The following ART3 variants were observed in gnomAD, a reference collection of about 807,000 sequenced individuals.
ART3 encodes ADP-ribosyltransferase 3 (inactive).
In ART3, 49 loss-of-function variants were observed where a neutral mutation model predicts 48.5. That is an observed-to-expected ratio of 1.01 (90% CI 0.80 to 1.28). The LOEUF (loss-of-function observed/expected upper bound fraction) is 1.28, where lower values mean the gene tolerates loss of function less well. ART3 is among the 50% of genes most tolerant of loss of function. ART3 has a pLI of 0.00. For synonymous variants in ART3, 145 were observed against 157.2 expected (o/e 0.92, Z 0.58); for missense variants, 438 against 454.3 (o/e 0.96, Z 0.33).
At chr4:76,094,396 C>T (rs552428465) in intron 3 of ART3, among the ~76,000 whole-genome samples, 78 of 152,290 alleles carry the variant, frequency 5.1e-4, no homozygotes, top group Admixed American at 1.4e-3. Context: ...TATTTTCCTG[C>T]TTCTTTGCTG....
At position 76,089,871 on chromosome 4, in the gene ART3, G is replaced by T. The variant is rs530425540; in HGVS notation, c.781+7336G>T. On this transcript the variant is annotated intron_variant, in intron 3 of 11. Coordinates refer to ENST00000355810, the MANE Select transcript of ART3 (RefSeq NM_001130016.3). The stretch of plus-strand genomic sequence containing the variant: ...CCGAGGCGGGCAGATCACGGGGTCA[G>T]GTGTTCGAGACCAGCCTGGCCAACA... Among the ~76,000 whole-genome samples, 10 of 152,218 alleles carry T rather than the reference G, an allele frequency of 6.6e-5. No homozygotes were observed. In the South Asian group the frequency reaches 1.9e-3, roughly 28 times the overall value.
At chr4:76,058,594 C>T (rs1718901427) in intron 1 of ART3, 1 of 151,522 alleles carries the variant, frequency 6.6e-6, no homozygotes, top group African/African-American at 2.4e-5. Context: ...TTTCTTAGGC[C>T]AAAAAGAAAA....
chr4:76,034,972 C>T, intron 1 of ART3: 3 of 1,442,826 alleles, frequency 2.1e-6, no homozygotes, highest in Non-Finnish European at 2.9e-6. Flanking sequence ...CTGTAGTTGT[C>T]CACATTATTT....
intron 3 of ART3, among the ~76,000 whole-genome samples, chr4:76,083,877 G>A (rs1722998823): frequency 6.6e-6 from 1 of 152,112 alleles, no homozygotes; most frequent in African/African-American, 2.4e-5. Flanking sequence ...AATTAGAAAT[G>A]GCTGTTAGAT....
intron 3 of ART3, among the ~76,000 whole-genome samples, chr4:76,090,672 C>A (rs892491588): frequency 6.6e-6 from 1 of 152,062 alleles, no homozygotes; most frequent in Admixed American, 6.6e-5. Context: ...GAACTAGAGA[C>A]CAGATCCAAA....
intron 3 of ART3, among the ~76,000 whole-genome samples, chr4:76,086,941 C>T (rs1038863025): frequency 6.6e-6 from 1 of 152,308 alleles, no homozygotes; most frequent in East Asian, 1.9e-4. Flanking sequence ...ACCAGGGTCT[C>T]CCTCCCTCCC....
chr4:76,082,604 C>A, intron 3 of ART3, 69 bp downstream of exon 3: 2 of 1,316,364 alleles, frequency 1.5e-6, no homozygotes, highest in South Asian at 3.0e-5. Flanking sequence ...AGGGAAAGGT[C>A]AGTGAAAGGA....
rs201821887 is a variant in ART3, at chr4:76,023,387, A to G, written c.-10+12067A>G. On this transcript the variant is annotated intron_variant, in intron 1 of 9. Transcript: ENST00000341029. ...GTTCCTTACCTTGAATGCCACTTAGAGTCAGAAAGATAAGGCAGCAAATCA... is the reference window on the plus strand; with the variant it reads ...GTTCCTTACCTTGAATGCCACTTAGGGTCAGAAAGATAAGGCAGCAAATCA... 1.6e-4 allele frequency: 254 copies of G among 1,613,610 alleles called. 1 individual carries two copies. The highest frequency in any genetic ancestry group is 5.0e-5 in the Admixed American group (3 of 60,004).
In ART3 at chr4:76,027,869, A is replaced by G. The variant is rs553184473; in HGVS notation, c.-10+16549A>G. On this transcript the variant is annotated intron_variant, in intron 1 of 9. Coordinates refer to the ART3 transcript ENST00000341029. Reference sequence around the variant, plus strand: ...AGTCCAGAAATTCTCATTTTTTCCTAATCATCCAGGGTAAGCATATTCTCA... The same window carrying G: ...AGTCCAGAAATTCTCATTTTTTCCTGATCATCCAGGGTAAGCATATTCTCA... 6.6e-4 allele frequency among the ~76,000 whole-genome samples: 100 copies of G among 150,984 alleles called. 1 individual carries two copies. Among genetic ancestry groups the G allele is most frequent in the African/African-American group, 2.4e-3 (98 of 41,072 alleles).
chr4:76,043,979 C>G (rs991585297), intron 1 of ART3, among the ~76,000 whole-genome samples: 2 of 151,992 alleles, frequency 1.3e-5, no homozygotes, highest in South Asian at 4.2e-4. Flanking sequence ...GGGGAACTCT[C>G]TAGGCCAGGG....
intron 1 of ART3, among the ~76,000 whole-genome samples, chr4:76,025,529 A>G (rs777172485): frequency 4.6e-5 from 7 of 152,182 alleles, no homozygotes; most frequent in Non-Finnish European, 8.8e-5. Flanking sequence ...CTTTGTGACT[A>G]TTGACCATAT....
intron 1 of ART3, chr4:76,012,131 C>A (rs762297609): frequency 2.6e-5 from 4 of 152,158 alleles, no homozygotes; most frequent in Non-Finnish European, 4.4e-5. Context: ...CTTTACAAAG[C>A]GGAATTCTTA....
At chr4:76,062,325 G>A (rs1719293115) in intron 1 of ART3, among the ~76,000 whole-genome samples, 1 of 152,020 alleles carries the variant, frequency 6.6e-6, no homozygotes, top group Non-Finnish European at 1.5e-5. Flanking sequence ...CTTCATGGGG[G>A]TTTCCAACCT....
At chr4:76,029,074 A>G (rs925799661) in intron 1 of ART3, among the ~76,000 whole-genome samples, 3 of 152,216 alleles carry the variant, frequency 2.0e-5, no homozygotes, top group African/African-American at 7.2e-5. Context: ...GAATTTTGTG[A>G]TACTTTGTTC....
chr4:76,064,831 TA>T (rs1425119772), intron 1 of ART3, among the ~76,000 whole-genome samples: 1 of 110,212 alleles, frequency 9.1e-6, no homozygotes, highest in African/African-American at 3.9e-5. Flanking sequence ...GAATATTGAG[TA>T]AATTTTTTTT....
intron 1 of ART3, 145 bp from the exon 2 acceptor site, chr4:76,075,736 G>A (rs533863223): frequency 6.6e-6 from 4 of 601,876 alleles, no homozygotes; most frequent in East Asian, 2.9e-5. Flanking sequence ...CTTGTAGCCC[G>A]TTAGGAATTT....
At chr4:76,063,111 G>A (rs932111548) in intron 1 of ART3, among the ~76,000 whole-genome samples, 4 of 151,920 alleles carry the variant, frequency 2.6e-5, no homozygotes, top group Non-Finnish European at 4.4e-5. Flanking sequence ...CTTTCACTGC[G>A]TAATTACTAA....
intron 2 of ART3, among the ~76,000 whole-genome samples, chr4:76,078,535 C>T (rs1721642679): frequency 6.6e-6 from 1 of 152,116 alleles, no homozygotes; most frequent in South Asian, 2.1e-4. Context: ...AGGAAACTGA[C>T]CTACAAACCC....
intron 1 of ART3, among the ~76,000 whole-genome samples, chr4:76,067,049 C>G (rs1719810628): frequency 6.6e-6 from 1 of 152,202 alleles, no homozygotes; most frequent in Admixed American, 6.5e-5. Context: ...GCAGCCCTGG[C>G]CACACCTTCC....
Sources: gnomAD v4.1 joint callset for allele counts (sites outside exome capture counted in the v4.1 genomes callset) on GRCh38, gnomAD v4.1.1 for gene constraint, MANE v1.5 for transcripts, NCBI Gene and HGNC (gene_info 2026-07-23, HGNC 2026-07-21) for gene names.